Variants in AKAP13 observed in about 807,000 individuals in gnomAD.
AKAP13 encodes the protein A-kinase anchoring protein 13.
AKAP13 carries 80 observed loss-of-function variants against 264.5 expected under a neutral mutation model. That is an observed-to-expected ratio of 0.30 (90% CI 0.25 to 0.36). AKAP13 has a LOEUF of 0.36. AKAP13 is among the 10% of genes least tolerant of loss of function. The probability of loss-of-function intolerance (pLI) is 1.00; values close to 1 mark genes in which losing one functional copy is unlikely to be tolerated. For synonymous variants in AKAP13, 1,380 were observed against 1,250.2 expected (o/e 1.10, Z -2.19); for missense variants, 3,712 against 3,435.2 (o/e 1.08, Z -2.01).
At chr15:85,664,404 G>A (rs1452454146) in intron 12 of AKAP13, among the ~76,000 whole-genome samples, 159 bp from the exon 13 acceptor site, 1 of 152,200 alleles carries the variant, frequency 6.6e-6, no homozygotes, top group African/African-American at 2.4e-5. Flanking sequence ...TGGGGGAAAG[G>A]TAGGTAGTAT....
At chr15:85,464,023 C>A (rs1034906278) in intron 1 of AKAP13, among the ~76,000 whole-genome samples, 3 of 152,144 alleles carry the variant, frequency 2.0e-5, no homozygotes, top group Non-Finnish European at 4.4e-5. Context: ...TTACTGCTCC[C>A]GAGGCCCTGT....
intron 1 of AKAP13, among the ~76,000 whole-genome samples, chr15:85,458,465 T>G (rs1486379500): frequency 6.6e-6 from 1 of 150,680 alleles, no homozygotes; most frequent in Non-Finnish European, 1.5e-5. Context: ...TTACATTGAT[T>G]AAGCATTTGT....
At chr15:85,586,907 G>A (rs1425009864) in intron 8 of AKAP13, among the ~76,000 whole-genome samples, 3 of 146,118 alleles carry the variant, frequency 2.1e-5, no homozygotes, top group East Asian at 4.0e-4. Flanking sequence ...TAGCCTGGGC[G>A]ACAGAGCACG....
At chr15:85,729,941 C>T (rs1053065169) in intron 29 of AKAP13, among the ~76,000 whole-genome samples, 11 of 151,034 alleles carry the variant, frequency 7.3e-5, no homozygotes, top group East Asian at 1.9e-4. Context: ...CGAAACTTTC[C>T]GTCTCAAAAA....
intron 17 of AKAP13, among the ~76,000 whole-genome samples, chr15:85,695,247 A>T (rs2085501682): frequency 6.6e-6 from 1 of 152,232 alleles, no homozygotes; most frequent in Non-Finnish European, 1.5e-5. Flanking sequence ...TCTACTAAAA[A>T]TACAAAGTTA....
At chr15:85,414,962 T>C (rs1486901326) in intron 1 of AKAP13, among the ~76,000 whole-genome samples, 1 of 152,224 alleles carries the variant, frequency 6.6e-6, no homozygotes, top group Non-Finnish European at 1.5e-5. Context: ...GAAAATCACC[T>C]AAGTGTAACT....
At position 85,440,092 on chromosome 15, in the gene AKAP13, G is replaced by T. The variant is rs1162092149; in HGVS notation, c.-11-45618G>T. ...TAACAAAGCTTTCAGTGTTGGCAGT[G>T]TTCTGTGCCCACCCTTTATGTATTT... On this transcript the variant is annotated intron_variant, in intron 1 of 36. Transcript: ENST00000394518. Among the ~76,000 whole-genome samples, 5 of 152,130 alleles carry T rather than the reference G, an allele frequency of 3.3e-5. No individual in the cohort carries two copies. The East Asian group carries it at 9.6e-4, about 29-fold the overall frequency.
At chr15:85,694,546 G>A (rs1445475864) in intron 17 of AKAP13, among the ~76,000 whole-genome samples, 1 of 152,192 alleles carries the variant, frequency 6.6e-6, no homozygotes, top group Admixed American at 6.5e-5. Flanking sequence ...TATTTAAAAT[G>A]TAAAAATTAT....
chr15:85,389,185 G>A (rs776705781), intron 1 of AKAP13, among the ~76,000 whole-genome samples: 1 of 152,102 alleles, frequency 6.6e-6, no homozygotes, highest in Non-Finnish European at 1.5e-5. Context: ...GACTCATGGG[G>A]CCTCTATGCT....
chr15:85,423,212 G>A (rs941866859), intron 1 of AKAP13, among the ~76,000 whole-genome samples: 1 of 152,300 alleles, frequency 6.6e-6, no homozygotes, highest in Admixed American at 6.5e-5. Context: ...AGACAACAGT[G>A]AAGTTTGCTG....
chr15:85,677,841 G>T (rs2084335541), intron 14 of AKAP13, among the ~76,000 whole-genome samples: 1 of 151,872 alleles, frequency 6.6e-6, no homozygotes, highest in Non-Finnish European at 1.5e-5. Context: ...GTAGAGACGG[G>T]GTTTCACCAT....
intron 2 of AKAP13, among the ~76,000 whole-genome samples, chr15:85,513,668 G>A (rs938790869): frequency 6.6e-6 from 1 of 152,104 alleles, no homozygotes; most frequent in African/African-American, 2.4e-5. Context: ...CCTAAAATAG[G>A]GATATTCTCC....
At chr15:85,638,275 C>T (rs1259463753) in intron 8 of AKAP13, among the ~76,000 whole-genome samples, 2 of 152,110 alleles carry the variant, frequency 1.3e-5, no homozygotes, top group Non-Finnish European at 2.9e-5. Context: ...GATCACAGAG[C>T]ATACTTTTTA....
At chr15:85,631,993 G>A (rs414374) in intron 8 of AKAP13, among the ~76,000 whole-genome samples, 21,729 of 152,084 alleles carry the variant, frequency 0.14, 2,705 homozygotes, top group East Asian at 0.37. Context: ...TTAGGAGATT[G>A]CACCACAGAA....
chr15:85,655,714 C>G lies in AKAP13; in HGVS notation c.4672C>G (p.Leu1558Val), dbSNP rs200548335. The change falls in exon 11 of 37, where the codon CTT (leucine) becomes GTT (valine). Residue 1558 changes from leucine to valine, a missense_variant. Physicochemically the swap from Leu to Val is conservative, Grantham distance 32. Coordinates refer to ENST00000394518, the MANE Select transcript of AKAP13 (RefSeq NM_007200.5). ...TGTCCTAAGGAGCTCCATGCGCTCT[C>G]TTTCTCCCTTCCGGAGGCACAGCTG... is the stretch of plus-strand genomic sequence containing the variant. ...CSVLRSSMRS[L>V]SPFRRHSWGP... The G allele has an allele frequency of 1.2e-6, 2 of 1,613,954 alleles. No individual in the cohort carries two copies. Among genetic ancestry groups the G allele is most frequent in the Non-Finnish European group, 1.7e-6 (2 of 1,179,926 alleles).
intron 8 of AKAP13, among the ~76,000 whole-genome samples, chr15:85,600,585 T>C (rs2080017818): frequency 6.6e-6 from 1 of 152,196 alleles, no homozygotes; most frequent in South Asian, 2.1e-4. Context: ...TTGACATCCA[T>C]TTTCACAACA....
intron 5 of AKAP13, among the ~76,000 whole-genome samples, chr15:85,548,219 A>G (rs952731230): frequency 1.3e-5 from 2 of 152,192 alleles, no homozygotes; most frequent in African/African-American, 2.4e-5. Flanking sequence ...CTAGGTTTGC[A>G]TTTTGGCTCT....
chr15:85,492,808 C>CT (rs1290719148), intron 2 of AKAP13, among the ~76,000 whole-genome samples: 4 of 152,172 alleles, frequency 2.6e-5, no homozygotes, highest in Non-Finnish European at 5.9e-5. Context: ...TGGCAATGGA[C>CT]TACATGAGTG....
chr15:85,656,757 CT>C (rs1362306692), intron 11 of AKAP13, among the ~76,000 whole-genome samples: 1 of 152,204 alleles, frequency 6.6e-6, no homozygotes, highest in Non-Finnish European at 1.5e-5. Flanking sequence ...CTGAATTTGA[CT>C]TCTGACTGCT....
Sources: gnomAD v4.1 joint callset for allele counts (sites outside exome capture counted in the v4.1 genomes callset) on GRCh38, gnomAD v4.1.1 for gene constraint, MANE v1.5 for transcripts, NCBI Gene and HGNC (gene_info 2026-07-23, HGNC 2026-07-21) for gene names.